The following STK39 variants were observed in gnomAD, a reference collection of about 807,000 sequenced individuals.
The protein encoded by STK39 is serine/threonine kinase 39.
In STK39, 20 loss-of-function variants were observed where a neutral mutation model predicts 77.8. The ratio of observed to expected loss-of-function variants is 0.26; its 90% CI spans 0.18 to 0.37. The LOEUF (loss-of-function observed/expected upper bound fraction) is 0.37. Among genes scored for constraint, STK39 ranks in the 10% least tolerant of loss-of-function variants. STK39 has a pLI of 1.00. For missense variants in STK39, 479 were observed against 656.5 expected, an observed-to-expected ratio of 0.73 and a Z score of 2.95; for synonymous variants, 246 against 234.1, an observed-to-expected ratio of 1.05 and a Z score of -0.47.
At chr2:168,045,808 T>C (rs1217402858) in intron 14 of STK39, among the ~76,000 whole-genome samples, 4 of 152,134 alleles carry the variant, frequency 2.6e-5, no homozygotes, top group African/African-American at 7.2e-5. Context: ...AACCACGACA[T>C]CTGACTCCTC....
intron 15 of STK39, among the ~76,000 whole-genome samples, chr2:168,014,340 TG>T (rs1291499321): frequency 1.3e-5 from 2 of 152,176 alleles, no homozygotes; most frequent in African/African-American, 4.8e-5. Context: ...AAAAATTAGC[TG>T]GGCCTGGTGG....
At chr2:168,247,073 A>AAAC (rs1690935199) in intron 1 of STK39, among the ~76,000 whole-genome samples, 155 bp downstream of exon 1, 1 of 137,358 alleles carries the variant, frequency 7.3e-6, no homozygotes, top group African/African-American at 2.6e-5. Flanking sequence ...AAAAAAAAAA[A>AAAC]AAAAAAAAAA....
intron 16 of STK39, among the ~76,000 whole-genome samples, chr2:167,965,766 A>G (rs1218110226): frequency 6.6e-6 from 1 of 152,222 alleles, no homozygotes; most frequent in Non-Finnish European, 1.5e-5. Flanking sequence ...TTTAAGATAA[A>G]AAAATTTTAA....
At chr2:167,993,467 G>A (rs373151415) in intron 16 of STK39, among the ~76,000 whole-genome samples, 21 of 152,142 alleles carry the variant, frequency 1.4e-4, no homozygotes, top group African/African-American at 2.9e-4. Flanking sequence ...CGGGAGGATC[G>A]CTTGAGGCCA....
chr2:167,981,676 G>T (rs1683422418), intron 16 of STK39, among the ~76,000 whole-genome samples: 2 of 152,184 alleles, frequency 1.3e-5, no homozygotes, highest in Admixed American at 6.5e-5. Flanking sequence ...ATTAATTGCT[G>T]CAAGAAAACA....
intron 14 of STK39, among the ~76,000 whole-genome samples, chr2:168,056,855 T>C (rs1003921796): frequency 6.6e-6 from 1 of 152,086 alleles, no homozygotes; most frequent in Non-Finnish European, 1.5e-5. Flanking sequence ...TCACACAGGA[T>C]GGTTTAGAGA....
intron 14 of STK39, among the ~76,000 whole-genome samples, chr2:168,062,802 T>C (rs1685696408): frequency 1.3e-5 from 2 of 152,352 alleles, no homozygotes; most frequent in South Asian, 2.1e-4. Context: ...TCTTCAAAGA[T>C]GTGACAGTAT....
At chr2:168,100,064 A>C (rs556924563) in intron 10 of STK39, among the ~76,000 whole-genome samples, 1 of 152,356 alleles carries the variant, frequency 6.6e-6, no homozygotes, top group South Asian at 2.1e-4. Context: ...AGCTGGGCTA[A>C]TAAGTATCTC....
chr2:168,226,829 C>G (rs1167439112), intron 1 of STK39, among the ~76,000 whole-genome samples: 3 of 152,158 alleles, frequency 2.0e-5, no homozygotes, highest in Non-Finnish European at 4.4e-5. Flanking sequence ...ATACCACTGG[C>G]CCTGGCCATC....
Position 168,107,036 on chromosome 2 carries a change from C to T in STK39, c.1089+22505G>A, listed in dbSNP as rs567910792. 5.9e-5 allele frequency among the ~76,000 whole-genome samples: 9 copies of T among 152,176 alleles called. No individual in the cohort carries two copies. In the South Asian group the frequency reaches 1.5e-3, roughly 25 times the overall value. Reference sequence around the variant, plus strand: ...GGAGAAGGGTGGTTGCTTCATGTCACGTAATTTTAAATTTAAAAAATCATC... The same window carrying T: ...GGAGAAGGGTGGTTGCTTCATGTCATGTAATTTTAAATTTAAAAAATCATC... On this transcript the variant is annotated intron_variant, in intron 10 of 17. Transcript: ENST00000355999.
At chr2:167,985,168 C>T (rs566776223) in intron 16 of STK39, among the ~76,000 whole-genome samples, 6 of 152,240 alleles carry the variant, frequency 3.9e-5, no homozygotes, top group South Asian at 2.1e-4. Context: ...ATATTAGTTG[C>T]GCTAATTGAA....
chr2:167,984,015 C>A (rs548609409), intron 16 of STK39, among the ~76,000 whole-genome samples: 8 of 151,996 alleles, frequency 5.3e-5, no homozygotes, highest in African/African-American at 1.9e-4. Flanking sequence ...GGGAGGTGAG[C>A]GGGATGGCAT....
intron 5 of STK39, among the ~76,000 whole-genome samples, chr2:168,156,386 A>T (rs531914404): frequency 4.6e-5 from 7 of 152,080 alleles, no homozygotes; most frequent in African/African-American, 1.7e-4. Context: ...TCCATCAACA[A>T]TGCTTATAAA....
chr2:168,027,087 T>C (rs1684717059), intron 14 of STK39, among the ~76,000 whole-genome samples: 1 of 152,174 alleles, frequency 6.6e-6, no homozygotes, highest in Non-Finnish European at 1.5e-5. Flanking sequence ...CTGAGTTTGT[T>C]GAGGTTGGAG....
At chr2:168,085,248 A>G (rs1475986259) in intron 10 of STK39, among the ~76,000 whole-genome samples, 1 of 152,236 alleles carries the variant, frequency 6.6e-6, no homozygotes, top group Non-Finnish European at 1.5e-5. Flanking sequence ...AAAAAGAAGG[A>G]TGGCTTAAAG....
At chr2:168,239,259 G>C (rs1237970569) in intron 1 of STK39, among the ~76,000 whole-genome samples, 1 of 152,204 alleles carries the variant, frequency 6.6e-6, no homozygotes, top group Non-Finnish European at 1.5e-5. Context: ...AAGAGAGAGA[G>C]ATCACTGATA....
chr2:168,247,238 C>T lies in STK39; in HGVS notation c.198G>A (p.Gln66=), dbSNP rs1690945297. The change falls in exon 1 of 18, where the codon CAG becomes CAA. Residue 66 remains glutamine, a synonymous_variant. Coordinates refer to ENST00000355999, the MANE Select transcript of STK39 (RefSeq NM_013233.3). ...WPICRDAYEL[Q]EVIGSGATAV... ...GCCCGCCGCACTGACCGATAACCTC[C>T]TGCAGCTCGTACGCGTCCCTGCAGA... The T allele has an allele frequency of 1.7e-6, 2 of 1,177,518 alleles. No individual in the cohort carries two copies. Among genetic ancestry groups the T allele is most frequent in the South Asian group, 2.7e-5 (1 of 36,970 alleles). 72.9% of individuals were successfully genotyped at this position (1,177,518 alleles called of 1,614,324 possible).
chr2:168,052,893 G>A (rs1165316728), intron 14 of STK39, among the ~76,000 whole-genome samples: 1 of 152,196 alleles, frequency 6.6e-6, no homozygotes, highest in Non-Finnish European at 1.5e-5. Context: ...TTAAAACCCT[G>A]CTGCAAGAAC....
intron 1 of STK39, among the ~76,000 whole-genome samples, chr2:168,184,388 T>C (rs908090892): frequency 2.0e-5 from 3 of 152,200 alleles, no homozygotes; most frequent in Non-Finnish European, 4.4e-5. Flanking sequence ...CCTGAGATCA[T>C]TGTCACAACA....
Sources: allele counts gnomAD v4.1 joint callset (sites outside exome capture counted in the v4.1 genomes callset), GRCh38; gene constraint gnomAD v4.1.1; transcripts MANE v1.5; gene names NCBI Gene and HGNC (gene_info 2026-07-23, HGNC 2026-07-21).